IGF2BP2: variants seen among roughly 807,000 people sequenced by gnomAD.
The protein encoded by IGF2BP2 is insulin-like growth factor 2 mRNA-binding protein 2.
IGF2BP2 carries 17 observed loss-of-function variants against 75.8 expected under a neutral mutation model. The ratio of observed to expected loss-of-function variants is 0.22; its 90% CI spans 0.15 to 0.34. IGF2BP2 has a LOEUF of 0.34. IGF2BP2 is among the 10% of genes least tolerant of loss of function. IGF2BP2 has a pLI of 1.00. For synonymous variants in IGF2BP2, 288 were observed against 295.6 expected, an observed-to-expected ratio of 0.97 and a Z score of 0.26; for missense variants, 516 against 772.4, an observed-to-expected ratio of 0.67 and a Z score of 3.93.
At chr3:185,767,182 A>G (rs1477354134) in intron 2 of IGF2BP2, among the ~76,000 whole-genome samples, 1 of 152,220 alleles carries the variant, frequency 6.6e-6, no homozygotes, top group Non-Finnish European at 1.5e-5. Flanking sequence ...CAGACTATCA[A>G]GAAGCTCCAC....
intron 7 of IGF2BP2, among the ~76,000 whole-genome samples, chr3:185,683,462 G>C (rs1394227173): frequency 6.6e-6 from 1 of 151,900 alleles, no homozygotes; most frequent in Admixed American, 6.6e-5. Context: ...AGGCTGGAGT[G>C]CAGTGGTGCA....
At chr3:185,689,916 C>A (rs1482501506) in intron 5 of IGF2BP2, among the ~76,000 whole-genome samples, 2 of 149,560 alleles carry the variant, frequency 1.3e-5, no homozygotes, top group African/African-American at 4.9e-5. Flanking sequence ...TGCAGTGAGC[C>A]GAGATCCTGC....
At chr3:185,791,246 C>A (rs1187963428) in intron 2 of IGF2BP2, among the ~76,000 whole-genome samples, 1 of 152,202 alleles carries the variant, frequency 6.6e-6, no homozygotes, top group Non-Finnish European at 1.5e-5. Flanking sequence ...ATAAAAAGAT[C>A]AATAAATAAA....
chr3:185,725,658 G>A (rs1294619064), intron 2 of IGF2BP2, among the ~76,000 whole-genome samples: 1 of 152,122 alleles, frequency 6.6e-6, no homozygotes. Flanking sequence ...AATCTAAGAA[G>A]TATCAAATGA....
At chr3:185,661,605 T>C (rs1012520093) in intron 10 of IGF2BP2, among the ~76,000 whole-genome samples, 1 of 124,858 alleles carries the variant, frequency 8.0e-6, no homozygotes, top group African/African-American at 3.2e-5. Context: ...GCCACTGCAC[T>C]CCAGCCTGGG....
At chr3:185,707,924 C>G (rs186369354) in intron 2 of IGF2BP2, among the ~76,000 whole-genome samples, 36 of 152,362 alleles carry the variant, frequency 2.4e-4, no homozygotes, top group African/African-American at 1.2e-4. Flanking sequence ...TCGCTGAACA[C>G]TATCTTTTCC....
chr3:185,747,829 TTCTAC>T (rs71632078), intron 2 of IGF2BP2, among the ~76,000 whole-genome samples: 4 of 150,528 alleles, frequency 2.7e-5, no homozygotes, highest in South Asian at 2.1e-4. Context: ...TTTTATTTTA[TTCTAC>T]TCTACTCTAC....
chr3:185,657,801 G>A (rs1231596906), intron 11 of IGF2BP2, among the ~76,000 whole-genome samples: 1 of 152,206 alleles, frequency 6.6e-6, no homozygotes, highest in Non-Finnish European at 1.5e-5. Flanking sequence ...TAGAGGGAAT[G>A]GAAAGCTGCC....
intron 10 of IGF2BP2, among the ~76,000 whole-genome samples, chr3:185,660,103 AT>A (rs1716181811): frequency 6.6e-6 from 1 of 152,156 alleles, no homozygotes; most frequent in African/African-American, 2.4e-5. Context: ...GGTCTGATAT[AT>A]TCTTACAGGC....
chr3:185,767,416 T>C (rs545389488), intron 2 of IGF2BP2, among the ~76,000 whole-genome samples: 1 of 152,196 alleles, frequency 6.6e-6, no homozygotes, highest in African/African-American at 2.4e-5. Flanking sequence ...TCCAATCCCA[T>C]TTCCATAAGA....
At chr3:185,707,375 T>C (rs917358684) in intron 2 of IGF2BP2, among the ~76,000 whole-genome samples, 15 of 138,922 alleles carry the variant, frequency 1.1e-4, no homozygotes, top group African/African-American at 4.0e-4. Context: ...TGGCGCAATC[T>C]TGGCTAATCA....
intron 2 of IGF2BP2, among the ~76,000 whole-genome samples, chr3:185,791,285 G>A (rs540212425): frequency 2.0e-4 from 31 of 152,222 alleles, no homozygotes; most frequent in Non-Finnish European, 2.9e-4. Context: ...TTCCAGCTCT[G>A]ACGAAGAGTT....
chr3:185,661,144 T>C (rs1716368778), intron 10 of IGF2BP2, among the ~76,000 whole-genome samples: 1 of 152,224 alleles, frequency 6.6e-6, no homozygotes, highest in East Asian at 1.9e-4. Flanking sequence ...AATCAGGAGC[T>C]TGTTTCTAGC....
intron 2 of IGF2BP2, among the ~76,000 whole-genome samples, chr3:185,792,929 C>T (rs1736849319): frequency 6.6e-6 from 1 of 152,088 alleles, no homozygotes; most frequent in African/African-American, 2.4e-5. Context: ...CAGCCCACAG[C>T]TCTTCCTCCT....
intron 2 of IGF2BP2, among the ~76,000 whole-genome samples, chr3:185,743,449 T>C (rs1729840545): frequency 6.6e-6 from 1 of 152,116 alleles, no homozygotes; most frequent in South Asian, 2.1e-4. Context: ...CTAATTTTTG[T>C]ATTTTTAGTA....
At chr3:185,731,246 C>CTTTTTTTTTTTTTTT (rs760172663) in intron 2 of IGF2BP2, among the ~76,000 whole-genome samples, 6 of 129,254 alleles carry the variant, frequency 4.6e-5, no homozygotes, top group African/African-American at 1.7e-4. Context: ...GCATCACTTT[C>CTTTTTTTTTTTTTTT]TTTTTTTTTT....
intron 2 of IGF2BP2, among the ~76,000 whole-genome samples, chr3:185,804,207 G>A (rs1297227520): frequency 6.7e-6 from 1 of 149,146 alleles, no homozygotes; most frequent in East Asian, 2.0e-4. Context: ...GGTGAGCCGA[G>A]ATGGCGCCAT....
rs566791868 is a variant in IGF2BP2 at position 185,761,196 on chromosome 3, A to C, written c.239+61957T>G. Among the ~76,000 whole-genome samples the C allele has an allele frequency of 7.3e-4, 111 of 152,342 alleles. 2 individuals carry two copies. The Middle Eastern group carries it at 0.027, about 37-fold the overall frequency. ...CAACGAAAGGATACAGAAGAAAAAGAAATGCCTCAAAGACGACTTGGGTGA... is the reference window on the plus strand; with the variant it reads ...CAACGAAAGGATACAGAAGAAAAAGCAATGCCTCAAAGACGACTTGGGTGA... On this transcript the variant is annotated intron_variant, in intron 2 of 15. Coordinates refer to ENST00000382199, the MANE Select transcript of IGF2BP2 (RefSeq NM_006548.6).
At chr3:185,819,824 A>T (rs1310378537) in intron 2 of IGF2BP2, among the ~76,000 whole-genome samples, 1 of 148,284 alleles carries the variant, frequency 6.7e-6, no homozygotes, top group Admixed American at 6.6e-5. Context: ...AAAAGACTGC[A>T]GCAGGGAGGG....
Sources: gnomAD v4.1 joint callset for allele counts (sites outside exome capture counted in the v4.1 genomes callset) on GRCh38, gnomAD v4.1.1 for gene constraint, MANE v1.5 for transcripts, NCBI Gene and HGNC (gene_info 2026-07-23, HGNC 2026-07-21) for gene names.